Variants in MCFD2 observed in about 807,000 individuals in gnomAD.
MCFD2 encodes multiple coagulation factor deficiency protein 2.
Under a neutral mutation model 12.8 loss-of-function variants are expected in MCFD2, and 11 were observed. The observed-to-expected ratio is 0.86, with a 90% CI of 0.54 to 1.42. The LOEUF (loss-of-function observed/expected upper bound fraction) is 1.42, where lower values mean the gene tolerates loss of function less well. MCFD2 is among the 40% of genes most tolerant of loss of function. The probability of loss-of-function intolerance (pLI) is 0.00; values close to 1 mark genes in which losing one functional copy is unlikely to be tolerated. For missense variants in MCFD2, 191 were observed against 178.6 expected, an observed-to-expected ratio of 1.07 and a Z score of -0.40; for synonymous variants, 70 against 68.1, an observed-to-expected ratio of 1.03 and a Z score of -0.14.
chr2:46,939,869 A>G (rs1002345543), intron 1 of MCFD2, among the ~76,000 whole-genome samples: 6 of 152,194 alleles, frequency 3.9e-5, no homozygotes, highest in Admixed American at 3.3e-4. Context: ...CTGCTTGACT[A>G]AACTGTCTCT....
At chr2:46,919,381 A>G (rs920994705), upstream of MCFD2, among the ~76,000 whole-genome samples, 1 of 152,142 alleles carries the variant, frequency 6.6e-6, no homozygotes, top group Non-Finnish European at 1.5e-5. Context: ...TAAAAATACA[A>G]AATTAGCTGG....
chr2:46,914,901 A>T (rs903798501), intron 1 of MCFD2, among the ~76,000 whole-genome samples: 1 of 152,248 alleles, frequency 6.6e-6, no homozygotes, highest in Non-Finnish European at 1.5e-5. Context: ...GAGACAAATG[A>T]ATCTAAAGTT....
upstream of MCFD2, among the ~76,000 whole-genome samples, chr2:46,917,479 G>C (rs938600249): frequency 2.8e-4 from 42 of 152,158 alleles, no homozygotes; most frequent in African/African-American, 9.4e-4. Flanking sequence ...AACATTTCTT[G>C]AATATCTTCT....
intron 1 of MCFD2, among the ~76,000 whole-genome samples, chr2:46,933,899 C>A (rs1669835321): frequency 6.6e-6 from 1 of 152,068 alleles, no homozygotes; most frequent in South Asian, 2.1e-4. Flanking sequence ...CTCTAAGGGA[C>A]CCCACATGGT....
intron 1 of MCFD2, among the ~76,000 whole-genome samples, chr2:46,934,416 G>A (rs1172515937): frequency 2.0e-5 from 3 of 152,048 alleles, no homozygotes; most frequent in South Asian, 4.1e-4. Context: ...ATGCCACCAC[G>A]CCCAGCTAAT....
At chr2:46,927,468 C>T (rs1351787604) in intron 1 of MCFD2, among the ~76,000 whole-genome samples, 1 of 151,492 alleles carries the variant, frequency 6.6e-6, no homozygotes, top group Non-Finnish European at 1.5e-5. Context: ...ACCATTCTCC[C>T]ACCTCAACCT....
rs80294301 is a variant in MCFD2 at position 46,905,488 on chromosome 2, G to T, written c.416C>A (p.Ala139Asp). 39 of 1,612,710 alleles carry T rather than the reference G, an allele frequency of 2.4e-5. No individual in the cohort carries two copies. Among genetic ancestry groups the T allele is most frequent in the Non-Finnish European group, 3.1e-5 (37 of 1,179,926 alleles). ...CTACTGCAGTGATTTTGCAAATTCA[G>T]CATAGTCAATGTATCCATCATTGTT... ...DKNNDGYIDY[A>D]EFAKSLQ The change falls in exon 4 of 4, where the codon GCT becomes GAT. Residue 139 changes from alanine to aspartate, a missense_variant. Physicochemically the swap from Ala to Asp is moderately radical, Grantham distance 126. Coordinates refer to ENST00000319466, the MANE Select transcript of MCFD2 (RefSeq NM_139279.6).
upstream of MCFD2, among the ~76,000 whole-genome samples, chr2:46,919,782 C>T (rs1558471463): frequency 6.6e-6 from 1 of 152,220 alleles, no homozygotes; most frequent in East Asian, 1.9e-4. Context: ...TCCAGATTCT[C>T]CAACTGAGAA....
upstream of MCFD2, among the ~76,000 whole-genome samples, chr2:46,918,196 C>G (rs780141265): frequency 6.6e-6 from 1 of 152,238 alleles, no homozygotes; most frequent in Non-Finnish European, 1.5e-5. Context: ...GCACCTCTCT[C>G]AGTCTTGTGC....
chr2:46,908,966 G>C lies in MCFD2; in HGVS notation c.149+57C>G. 1 of 1,610,728 alleles carries C rather than the reference G, an allele frequency of 6.2e-7. No homozygotes were observed. The highest frequency in any genetic ancestry group is 2.2e-5 in the East Asian group (1 of 44,866). On this transcript the variant is annotated intron_variant, in intron 2 of 3. Transcript: ENST00000319466. The surrounding 1 kb of genome is among the most constrained non-coding windows in gnomAD (Gnocchi z 4.5). ...GAGGACTGAGCATGCCCTTGCCGCT[G>C]GCTCAGCTGCAGATGATGGGGAGGC...
Position 46,941,704 on chromosome 2 carries a change from G to T in MCFD2, c.-140C>A, listed in dbSNP as rs963602999. The T allele has an allele frequency of 5.8e-6, 9 of 1,550,636 alleles. No homozygotes were observed. In the East Asian group the frequency reaches 1.5e-4, roughly 25 times the overall value. ...TAACAGGCGAGGCAGCCCGAGCGCA[G>T]CGTTCACCTTTCCGGACACCGGTGA... On this transcript the variant is annotated 5_prime_UTR_variant, in exon 1 of 3. Coordinates refer to the MCFD2 transcript ENST00000409147. The surrounding 1 kb of genome is among the most constrained non-coding windows in gnomAD (Gnocchi z 4.2).
Position 46,941,534 on chromosome 2 carries a change from G to T in MCFD2, c.-8+38C>A, listed in dbSNP as rs1360256261. The T allele has an allele frequency of 1.4e-5, 22 of 1,551,748 alleles. No individual in the cohort carries two copies. The highest frequency in any genetic ancestry group is 1.8e-5 in the Non-Finnish European group (21 of 1,147,960). On this transcript the variant is annotated intron_variant, in intron 1 of 2. Coordinates refer to the MCFD2 transcript ENST00000409147. The surrounding 1 kb of genome is among the most constrained non-coding windows in gnomAD (Gnocchi z 4.2). ...GGCCGCACCTTCCATGACAGCGCCC[G>T]CGAGAAGATGGCTGCGAAGGGCGCG... is the stretch of plus-strand genomic sequence containing the variant.
At chr2:46,921,537 C>T (rs1294115099) in intron 1 of MCFD2, among the ~76,000 whole-genome samples, 1 of 152,176 alleles carries the variant, frequency 6.6e-6, no homozygotes, top group East Asian at 1.9e-4. Flanking sequence ...ACTCTTTTGT[C>T]TCTTGTCAAA....
rs370760105 is a variant in MCFD2, at chr2:46,906,514, C to G, written c.310-920G>C. On this transcript the variant is annotated intron_variant, in intron 3 of 3. Transcript: ENST00000319466. ...TTTTTTTTTTTTTTTGAGACAGGGTCTGACTCTGTCACCCAGGCTGGAGTC... is the reference window on the plus strand; with the variant it reads ...TTTTTTTTTTTTTTTGAGACAGGGTGTGACTCTGTCACCCAGGCTGGAGTC... Among the ~76,000 whole-genome samples, 15 of 111,744 alleles carry G rather than the reference C, an allele frequency of 1.3e-4. No homozygotes were observed. In the East Asian group the frequency reaches 4.1e-3, roughly 31 times the overall value. The allele number at this position is 111,744 out of a possible 152,430, so 73.3% of individuals were successfully genotyped here. A position where few individuals can be genotyped will look rare whatever the true frequency, so the allele number is the denominator to read the frequency against.
At chr2:46,921,809 A>C (rs1669117867) in intron 1 of MCFD2, among the ~76,000 whole-genome samples, 1 of 152,164 alleles carries the variant, frequency 6.6e-6, no homozygotes, top group Non-Finnish European at 1.5e-5. Flanking sequence ...TAGATCCCTT[A>C]CATGCGCAGT....
At chr2:46,926,974 G>A (rs1041499274) in intron 1 of MCFD2, among the ~76,000 whole-genome samples, 6 of 151,714 alleles carry the variant, frequency 4.0e-5, no homozygotes, top group Admixed American at 2.6e-4. Flanking sequence ...AAAATATAAC[G>A]GATAGATTGA....
upstream of MCFD2, among the ~76,000 whole-genome samples, chr2:46,917,797 C>T (rs780801436): frequency 9.9e-5 from 15 of 152,166 alleles, no homozygotes; most frequent in Non-Finnish European, 1.8e-4. Context: ...CCTCTCAACA[C>T]TGTTTTATCA....
chr2:46,929,833 G>A (rs1669598889), intron 1 of MCFD2, among the ~76,000 whole-genome samples: 2 of 152,198 alleles, frequency 1.3e-5, no homozygotes, highest in African/African-American at 2.4e-5. Context: ...AGTGGAATAT[G>A]TACAGAAGTG....
intron 1 of MCFD2, among the ~76,000 whole-genome samples, chr2:46,936,621 C>A (rs1218681306): frequency 2.6e-5 from 4 of 152,110 alleles, no homozygotes; most frequent in African/African-American, 9.7e-5. Flanking sequence ...CTTCCTCGGG[C>A]CAGACTTCTG....
Sources: gnomAD v4.1 joint callset for allele counts (sites outside exome capture counted in the v4.1 genomes callset) on GRCh38, gnomAD v4.1.1 for gene constraint, Gnocchi (gnomAD v3.1) non-coding constraint, MANE v1.5 for transcripts, NCBI Gene and HGNC (gene_info 2026-07-23, HGNC 2026-07-21) for gene names.